The following GNB1L variants were observed in gnomAD, a reference collection of about 807,000 sequenced individuals.
GNB1L encodes the protein G protein subunit beta 1 like.
GNB1L carries 20 observed loss-of-function variants against 29.1 expected under a neutral mutation model. That is an observed-to-expected ratio of 0.69 (90% confidence interval 0.48 to 1.00). The LOEUF (loss-of-function observed/expected upper bound fraction) is 1.00, where lower values mean the gene tolerates loss of function less well. Ranked by LOEUF, GNB1L falls within the 50% of genes least tolerant of loss-of-function variation. The pLI, the probability that GNB1L is intolerant of heterozygous loss-of-function variation, is 0.00. For missense variants in GNB1L, 421 were observed against 464.9 expected, an observed-to-expected ratio of 0.91 and a Z score of 0.87; for synonymous variants, 193 against 206.5, an observed-to-expected ratio of 0.93 and a Z score of 0.56.
chr22:19,826,060 C>T (rs867568788), intron 2 of GNB1L, among the ~76,000 whole-genome samples: 1 of 152,228 alleles, frequency 6.6e-6, no homozygotes, highest in Non-Finnish European at 1.5e-5. Context: ...AGTGCAGCCT[C>T]GGGAGACCTG....
At chr22:19,821,510 G>A in intron 2 of GNB1L, 135 bp from the exon 3 acceptor site, 1 of 840,504 alleles carries the variant, frequency 1.2e-6, no homozygotes, top group Non-Finnish European at 1.8e-6. Context: ...TGGGAGAGAG[G>A]TGCCACTGCT....
chr22:19,825,493 A>G (rs574712063), intron 2 of GNB1L, among the ~76,000 whole-genome samples: 1 of 151,882 alleles, frequency 6.6e-6, no homozygotes, highest in African/African-American at 2.4e-5. Context: ...GTGGTGGTGT[A>G]TGCCTGTGGT....
chr22:19,836,368 A>G (rs1937764952), intron 2 of GNB1L, among the ~76,000 whole-genome samples: 1 of 146,650 alleles, frequency 6.8e-6, no homozygotes, highest in Non-Finnish European at 1.5e-5. Flanking sequence ...AATTAAAGGA[A>G]TCACATTTTT....
chr22:19,846,369 T>G, intron 2 of GNB1L: 1 of 966,952 alleles, frequency 1.0e-6, no homozygotes, highest in Non-Finnish European at 1.2e-6. Context: ...ATTTCTTAAG[T>G]GAGAAACAGC....
intron 7 of GNB1L, 124 bp downstream of exon 7, chr22:19,801,877 G>A (rs1601324216): frequency 1.2e-5 from 10 of 823,298 alleles, no homozygotes; most frequent in Middle Eastern, 3.7e-4. Flanking sequence ...CCCTGCACCC[G>A]CCTCCAAGTG....
chr22:19,853,875 C>G (rs1308107276), intron 2 of GNB1L, among the ~76,000 whole-genome samples: 1 of 152,246 alleles, frequency 6.6e-6, no homozygotes, highest in Non-Finnish European at 1.5e-5. Context: ...GCTCCCACCA[C>G]CAGCCAAGGT....
intron 5 of GNB1L, among the ~76,000 whole-genome samples, chr22:19,807,830 C>A (rs938370203): frequency 2.0e-5 from 3 of 152,188 alleles, no homozygotes; most frequent in African/African-American, 7.2e-5. Context: ...TTGCTGCCCT[C>A]ACTAACCCAC....
intron 2 of GNB1L, among the ~76,000 whole-genome samples, chr22:19,837,357 C>T (rs906007728): frequency 1.3e-5 from 2 of 151,930 alleles, no homozygotes; most frequent in African/African-American, 4.8e-5. Flanking sequence ...ATTTATATAC[C>T]AAATATATAA....
intron 2 of GNB1L, among the ~76,000 whole-genome samples, chr22:19,853,009 G>A (rs1041121724): frequency 6.6e-6 from 1 of 152,156 alleles, no homozygotes; most frequent in African/African-American, 2.4e-5. Flanking sequence ...AGACCGCGTC[G>A]TCATTAGGCT....
chr22:19,849,032 G>A, intron 2 of GNB1L: 4 of 985,472 alleles, frequency 4.1e-6, no homozygotes, highest in Non-Finnish European at 4.8e-6. Flanking sequence ...CAAAAGGGGG[G>A]ATGGGGCCTG....
intron 2 of GNB1L, among the ~76,000 whole-genome samples, chr22:19,834,750 C>T (rs1433087863): frequency 1.3e-5 from 2 of 150,960 alleles, no homozygotes; most frequent in African/African-American, 4.9e-5. Context: ...TTTTAAAATA[C>T]CTAAATAATT....
intron 2 of GNB1L, among the ~76,000 whole-genome samples, chr22:19,853,656 G>A (rs1258990209): frequency 3.3e-5 from 5 of 152,090 alleles, no homozygotes; most frequent in Admixed American, 1.3e-4. Flanking sequence ...GAACCTGCCA[G>A]GGCCACTGGC....
At chr22:19,825,579 G>A (rs540734922) in intron 2 of GNB1L, among the ~76,000 whole-genome samples, 108 of 149,450 alleles carry the variant, frequency 7.2e-4, no homozygotes, top group African/African-American at 2.3e-3. Flanking sequence ...CCATGATCGC[G>A]CCACTGCACT....
At chr22:19,831,788 C>T (rs1937684339) in intron 2 of GNB1L, among the ~76,000 whole-genome samples, 1 of 151,560 alleles carries the variant, frequency 6.6e-6, no homozygotes, top group African/African-American at 2.4e-5. Context: ...TATAAATAAA[C>T]TTTTCAATAT....
chr22:19,806,832 GGCGATTA>G, intron 5 of GNB1L, 75 bp from the exon 6 acceptor site: 3 of 1,079,020 alleles, frequency 2.8e-6, no homozygotes, highest in Non-Finnish European at 4.2e-6. Context: ...AGACTCTTAA[GGCGATTA>G]GCCCGGGCTG....
At chr22:19,854,365 T>C (rs1463432510) in intron 2 of GNB1L, 78 bp downstream of exon 2, 5 of 152,582 alleles carry the variant, frequency 3.3e-5, no homozygotes, top group Admixed American at 3.3e-4. Context: ...TGCAGACGAC[T>C]GCACCGCCCG....
chr22:19,788,514 C>A lies in GNB1L; in HGVS notation c.*195G>T, dbSNP rs991574697. 2.0e-5 allele frequency: 15 copies of A among 756,428 alleles called. 1 individual carries two copies. The highest frequency in any genetic ancestry group is 1.9e-4 in the African/African-American group (11 of 58,350). 46.9% of individuals were successfully genotyped at this position (756,428 alleles called of 1,614,324 possible). ...CTCGGACGGCCAGGGCTCTGGCTGG[C>A]CCCCAGAGTCACCGTCCTGTGATGA... On this transcript the variant is annotated 3_prime_UTR_variant, in exon 8 of 8. Transcript: ENST00000329517.
intron 2 of GNB1L, among the ~76,000 whole-genome samples, chr22:19,853,106 A>AC (rs1938148427): frequency 6.6e-6 from 1 of 151,714 alleles, no homozygotes; most frequent in African/African-American, 2.4e-5. Flanking sequence ...CTCCCTCCTG[A>AC]CCCCACATGC....
intron 4 of GNB1L, among the ~76,000 whole-genome samples, chr22:19,813,694 T>C (rs1319622490): frequency 6.6e-6 from 1 of 151,528 alleles, no homozygotes; most frequent in East Asian, 1.9e-4. Context: ...TCTCAATAAA[T>C]AAATAAAAAT....
Sources: gnomAD v4.1 joint callset for allele counts (sites outside exome capture counted in the v4.1 genomes callset) on GRCh38, gnomAD v4.1.1 for gene constraint, MANE v1.5 for transcripts, NCBI Gene and HGNC (gene_info 2026-07-23, HGNC 2026-07-21) for gene names.